Variants in SKI observed in about 807,000 individuals in gnomAD.
SKI encodes ski oncogene.
Under a neutral mutation model 59.3 loss-of-function variants are expected in SKI, and 23 were observed. The ratio of observed to expected loss-of-function variants is 0.39; its 90% CI spans 0.28 to 0.55. SKI has a LOEUF of 0.55. Ranked by LOEUF, SKI falls within the 20% of genes least tolerant of loss-of-function variation. The pLI, the probability that SKI is intolerant of heterozygous loss-of-function variation, is 0.67. For missense variants in SKI, 1,017 were observed against 1,038.9 expected (o/e 0.98, Z 0.29); for synonymous variants, 673 against 488.6 (o/e 1.38, Z -4.98).
At chr1:2,292,170 C>T (rs914727217) in intron 1 of SKI, among the ~76,000 whole-genome samples, 3 of 152,236 alleles carry the variant, frequency 2.0e-5, no homozygotes, top group South Asian at 2.1e-4. Flanking sequence ...AGTGCCTCAG[C>T]GCGAGCTTCT....
rs1387834372 is a variant in SKI at position 2,229,669 on chromosome 1, C to T, written c.903C>T (p.Gly301=). The change falls in exon 1 of 7, where the codon GGC becomes GGT. Residue 301 remains glycine, a synonymous_variant. Transcript: ENST00000378536. This position sits in a 1 kb window ranked among gnomAD's most constrained non-coding sequence, Gnocchi z 6.3. ...GCAAGGAGGAGCAGGCGCGCCTCGG[C>T]CGCTGCCTGGACGACGTGAAGGAGA... ...YTGKEEQARL[G]RCLDDVKEKF... The T allele has an allele frequency of 3.1e-6, 5 of 1,609,228 alleles. No individual in the cohort carries two copies. In the South Asian group the frequency reaches 4.4e-5, roughly 14 times the overall value.
At chr1:2,265,952 A>G (rs1480105242) in intron 1 of SKI, among the ~76,000 whole-genome samples, 1 of 152,148 alleles carries the variant, frequency 6.6e-6, no homozygotes, top group Non-Finnish European at 1.5e-5. Context: ...TGGGTGACAG[A>G]GCCAGACCCT....
At chr1:2,243,457 G>T (rs974909351) in intron 1 of SKI, among the ~76,000 whole-genome samples, 2 of 152,234 alleles carry the variant, frequency 1.3e-5, no homozygotes, top group Admixed American at 6.5e-5. Flanking sequence ...TGGTCTGCGC[G>T]TGTGCTCTCC....
intron 1 of SKI, among the ~76,000 whole-genome samples, chr1:2,251,179 G>A (rs971707532): frequency 1.3e-5 from 2 of 152,146 alleles, no homozygotes; most frequent in African/African-American, 2.4e-5. Context: ...GTAGCGCTGC[G>A]GACCGTGTTC....
chr1:2,301,370 C>T (rs570251868), intron 1 of SKI, among the ~76,000 whole-genome samples: 2 of 152,366 alleles, frequency 1.3e-5, no homozygotes, highest in African/African-American at 4.8e-5. Context: ...CATCCACAGC[C>T]GTGAGCCTTC....
intron 1 of SKI, among the ~76,000 whole-genome samples, chr1:2,301,843 G>A (rs925210186): frequency 1.3e-5 from 2 of 152,252 alleles, no homozygotes; most frequent in African/African-American, 2.4e-5. Flanking sequence ...CCCCTGTGAA[G>A]GGCCCCTTGC....
At chr1:2,283,340 CAG>C (rs977865320) in intron 1 of SKI, among the ~76,000 whole-genome samples, 4 of 147,598 alleles carry the variant, frequency 2.7e-5, no homozygotes, top group Admixed American at 6.6e-5. Context: ...GGCAAGGACT[CAG>C]AGCCTCAGGG....
At chr1:2,297,302 A>G (rs1640308264) in intron 1 of SKI, among the ~76,000 whole-genome samples, 1 of 152,192 alleles carries the variant, frequency 6.6e-6, no homozygotes, top group African/African-American at 2.4e-5. Flanking sequence ...TATCCTTTTA[A>G]GGAATAGCAG....
chr1:2,251,489 C>T (rs1292346568), intron 1 of SKI, among the ~76,000 whole-genome samples: 1 of 152,170 alleles, frequency 6.6e-6, no homozygotes, highest in Non-Finnish European at 1.5e-5. Flanking sequence ...CAAGCGCCCT[C>T]ACGTCCCACC....
chr1:2,283,811 T>C (rs757850337), intron 1 of SKI, among the ~76,000 whole-genome samples: 4 of 152,200 alleles, frequency 2.6e-5, no homozygotes, highest in Non-Finnish European at 4.4e-5. Flanking sequence ...CCTGGCACCA[T>C]GTTGTGTCGG....
chr1:2,274,059 C>T (rs138721696), intron 1 of SKI, among the ~76,000 whole-genome samples: 223 of 151,732 alleles, frequency 1.5e-3, no homozygotes, highest in Non-Finnish European at 2.2e-3. Flanking sequence ...GACCCAGCCC[C>T]GGGGTCAGGT....
chr1:2,303,470 C>T lies in SKI; in HGVS notation c.1211+70C>T, dbSNP rs140397524. 3.3e-3 allele frequency: 4,570 copies of T among 1,365,626 alleles called. 224 individuals carry two copies. In the Admixed American group the frequency reaches 0.074, roughly 22 times the overall value. 84.6% of individuals were successfully genotyped at this position (1,365,626 alleles called of 1,614,324 possible). On this transcript the variant is annotated intron_variant, in intron 3 of 6. Coordinates refer to ENST00000378536, the MANE Select transcript of SKI (RefSeq NM_003036.4). This position sits in a 1 kb window ranked among gnomAD's most constrained non-coding sequence, Gnocchi z 5.6. Reference sequence around the variant, plus strand: ...TCCACGAGGGCTGTGCATGCGGACGCGCCCATGTTTCTGCAGGCTGGGTGC... The same window carrying T: ...TCCACGAGGGCTGTGCATGCGGACGTGCCCATGTTTCTGCAGGCTGGGTGC...
intron 1 of SKI, among the ~76,000 whole-genome samples, chr1:2,286,764 G>A (rs368862767): frequency 5.9e-5 from 9 of 152,208 alleles, no homozygotes; most frequent in South Asian, 2.1e-4. Context: ...GGCTCCGGTC[G>A]TGGGCTAGTG....
chr1:2,242,443 G>A (rs1383710830), intron 1 of SKI, among the ~76,000 whole-genome samples: 1 of 152,172 alleles, frequency 6.6e-6, no homozygotes, highest in Non-Finnish European at 1.5e-5. Context: ...GTGGCCTACC[G>A]TGGCCCCTTC....
rs980440896 is a variant in SKI at position 2,309,562 on chromosome 1, A to G, written c.*2797A>G. ...TGTCTTGTTTTCTGGGCTGTTTTTA[A>G]CTGAGGAAAAAAAAAATGCTTTCCT... On this transcript the variant is annotated 3_prime_UTR_variant, in exon 7 of 7. Coordinates refer to ENST00000378536, the MANE Select transcript of SKI (RefSeq NM_003036.4). 6.6e-6 allele frequency: 1 copy of G among 152,048 alleles called. No individual in the cohort carries two copies. The highest frequency in any genetic ancestry group is 1.5e-5 in the Non-Finnish European group (1 of 67,992). The allele number at this position is 152,048 out of a possible 1,614,324, so 9.4% of individuals were successfully genotyped here. A position where few individuals can be genotyped will look rare whatever the true frequency, so the allele number is the denominator to read the frequency against.
Position 2,303,210 on chromosome 1 carries a change from C to A in SKI, c.1096-75C>A, listed in dbSNP as rs1387987234. 1.3e-6 allele frequency: 2 copies of A among 1,598,412 alleles called. No homozygotes were observed. The highest frequency in any genetic ancestry group is 1.7e-6 in the Non-Finnish European group (2 of 1,168,040). ...ACCTGCCCGCTACTGAGGGCTGGCA[C>A]CCGGCGCAGCCTCAGGGACATGAAG... On this transcript the variant is annotated intron_variant, in intron 2 of 6. Transcript: ENST00000378536. This position sits in a 1 kb window ranked among gnomAD's most constrained non-coding sequence, Gnocchi z 5.6.
chr1:2,271,827 G>C (rs968559495), intron 1 of SKI, among the ~76,000 whole-genome samples: 5 of 152,202 alleles, frequency 3.3e-5, no homozygotes, highest in African/African-American at 4.8e-5. Context: ...AGGAGATTCT[G>C]ACATTGTGCG....
intron 5 of SKI, 55 bp from the exon 6 acceptor site, chr1:2,305,965 G>GA: frequency 7.5e-7 from 1 of 1,325,208 alleles, no homozygotes; most frequent in Admixed American, 2.0e-5. Flanking sequence ...TGGTCATGGT[G>GA]AGGGGTGTGC....
At chr1:2,259,528 CTGTGT>C (rs1327024542) in intron 1 of SKI, among the ~76,000 whole-genome samples, 5 of 152,144 alleles carry the variant, frequency 3.3e-5, no homozygotes, top group Non-Finnish European at 7.3e-5. Context: ...AGGATGATTG[CTGTGT>C]AGTTATTTTT....
Sources: gnomAD v4.1 joint callset for allele counts (sites outside exome capture counted in the v4.1 genomes callset) on GRCh38, gnomAD v4.1.1 for gene constraint, Gnocchi (gnomAD v3.1) non-coding constraint, MANE v1.5 for transcripts, NCBI Gene and HGNC (gene_info 2026-07-23, HGNC 2026-07-21) for gene names.